PTPRS: variants seen among roughly 807,000 people sequenced by gnomAD.
The protein encoded by PTPRS is receptor-type tyrosine-protein phosphatase S.
In PTPRS, 63 loss-of-function variants were observed where a neutral mutation model predicts 215.3. The observed-to-expected ratio is 0.29, with a 90% CI of 0.24 to 0.36. PTPRS has a LOEUF of 0.36. PTPRS is among the 10% of genes least tolerant of loss of function. PTPRS has a pLI of 1.00. For missense variants in PTPRS, 2,258 were observed against 2,825.8 expected, an observed-to-expected ratio of 0.80 and a Z score of 4.56; for synonymous variants, 1,404 against 1,191.4, an observed-to-expected ratio of 1.18 and a Z score of -3.68.
chr19:5,245,984 G>A lies in PTPRS; in HGVS notation c.780C>T (p.Gly260=). The change falls in exon 10 of 38, where the codon GGC becomes GGT. Residue 260 remains glycine (G), a synonymous_variant. Coordinates refer to ENST00000262963, the MANE Select transcript of PTPRS (RefSeq NM_002850.4). ...CGGCCACGCAGGTGATGTTCACGTT[G>A]CCCCCTGGCATGATCTCGTGGCTCA... ...LPMSHEIMPG[G]NVNITCVAVG... The A allele has an allele frequency of 1.9e-6, 3 of 1,600,884 alleles. No individual in the cohort carries two copies. Among genetic ancestry groups the A allele is most frequent in the Non-Finnish European group, 2.6e-6 (3 of 1,173,330 alleles).
chr19:5,215,663 G>T, intron 26 of PTPRS, 68 bp from the exon 27 acceptor site: 1 of 1,099,280 alleles, frequency 9.1e-7, no homozygotes, highest in South Asian at 1.5e-5. Flanking sequence ...CGGGGGAGGG[G>T]GGTGATCTAC....
intron 1 of PTPRS, among the ~76,000 whole-genome samples, chr19:5,322,362 A>T (rs2147222991): frequency 6.6e-6 from 1 of 152,330 alleles, no homozygotes; most frequent in African/African-American, 2.4e-5. Flanking sequence ...CCGTCAGCGC[A>T]GCACCACGTC....
chr19:5,287,920 GAC>G lies in PTPRS; in HGVS notation c.-94-1688_-94-1687del, dbSNP rs2048484926. On this transcript the variant is annotated intron_variant, in intron 1 of 37. Coordinates refer to ENST00000262963, the MANE Select transcript of PTPRS (RefSeq NM_002850.4). This position sits in a 1 kb window ranked among gnomAD's most constrained non-coding sequence, Gnocchi z 4.8. ...TGCAAGCGGTTGCATATCTGCAAGA[GAC>G]ACAGAAACAAATGCATTCACACAGT... Among the ~76,000 whole-genome samples, 2 of 150,522 alleles carry G rather than the reference GAC, an allele frequency of 1.3e-5. No homozygotes were observed. The highest frequency in any genetic ancestry group is 4.9e-5 in the African/African-American group (2 of 40,890).
At position 5,210,845 on chromosome 19, in the gene PTPRS, G is replaced by C. The variant is rs766701237; in HGVS notation, c.5235-40C>G. The C allele has an allele frequency of 1.6e-5, 25 of 1,598,502 alleles. No individual in the cohort carries two copies. The highest frequency in any genetic ancestry group is 2.0e-5 in the Non-Finnish European group (23 of 1,174,890). The stretch of plus-strand genomic sequence containing the variant: ...GGTATGAGCCCAGGGCCGGCAGGGA[G>C]ACCCGGCGTGGTACTCACCTGATGC... On this transcript the variant is annotated intron_variant, in intron 33 of 37. Coordinates refer to ENST00000262963, the MANE Select transcript of PTPRS (RefSeq NM_002850.4). The surrounding 1 kb of genome is among the most constrained non-coding windows in gnomAD (Gnocchi z 4.5).
At chr19:5,314,309 G>A (rs1179774801) in intron 1 of PTPRS, among the ~76,000 whole-genome samples, 1 of 152,164 alleles carries the variant, frequency 6.6e-6, no homozygotes, top group Non-Finnish European at 1.5e-5. Context: ...CACGAACTTT[G>A]GATTCAAAGC....
chr19:5,238,899 C>CG lies in PTPRS; in HGVS notation c.1849+19dup, dbSNP rs758689600. ...CCGTGGTCCCTCCCGCAGAGAAGGGCGGCCCCGCGAGACACCTACTGGACT... is the reference window on the plus strand; with the variant it reads ...CCGTGGTCCCTCCCGCAGAGAAGGGCGGGCCCCGCGAGACACCTACTGGACT... On this transcript the variant is annotated intron_variant, in intron 13 of 37. Coordinates refer to ENST00000262963, the MANE Select transcript of PTPRS (RefSeq NM_002850.4). 1 of 1,569,692 alleles carries CG rather than the reference C, an allele frequency of 6.4e-7. No homozygotes were observed. Among genetic ancestry groups the CG allele is most frequent in the African/African-American group, 1.4e-5 (1 of 71,658 alleles).
At chr19:5,311,072 G>C (rs1044266285) in intron 1 of PTPRS, among the ~76,000 whole-genome samples, 3 of 152,076 alleles carry the variant, frequency 2.0e-5, no homozygotes, top group African/African-American at 7.2e-5. Flanking sequence ...TAGAGACGGG[G>C]TTTTACCCTG....
chr19:5,229,680 G>A lies in PTPRS; in HGVS notation c.2160C>T (p.Pro720=), dbSNP rs1012402079. The A allele has an allele frequency of 2.9e-5, 37 of 1,264,394 alleles. No homozygotes were observed. Among genetic ancestry groups the A allele is most frequent in the Non-Finnish European group, 3.4e-5 (34 of 1,008,982 alleles). The allele number at this position is 1,264,394 out of a possible 1,614,324, so 78.3% of individuals were successfully genotyped here. ...CCTCCACCTTCCGCGGCGGCGCGCT[G>A]GGCACTGGCGGGCGGGAGGGGAGGG... ...PVVVRTDEDV[P]SAPPRKVEAE... Residue 720 remains proline (P), a synonymous_variant, in exon 15 of 38, where the codon CCC becomes CCT. Coordinates refer to ENST00000262963, the MANE Select transcript of PTPRS (RefSeq NM_002850.4).
At chr19:5,229,372 G>A (rs749365296) in intron 15 of PTPRS, 30 bp from the exon 16 acceptor site, 100 of 1,373,662 alleles carry the variant, frequency 7.3e-5, no homozygotes, top group Non-Finnish European at 9.1e-5. Context: ...GCAGGGGAGA[G>A]AGGAGGAAGG....
rs1326507806 is a variant in PTPRS at position 5,219,298 on chromosome 19, C to T, written c.3923+12G>A. 3.1e-6 allele frequency: 5 copies of T among 1,613,870 alleles called. No homozygotes were observed. The highest frequency in any genetic ancestry group is 1.6e-4 in the Middle Eastern group (1 of 6,082). On this transcript the variant is annotated intron_variant, in intron 23 of 37. Coordinates refer to ENST00000262963, the MANE Select transcript of PTPRS (RefSeq NM_002850.4). ...TGCTGTCAAGTCAAGTCGGGGAGGA[C>T]ATGGGGCTTACTTCTTGTAGAGCAG... is the stretch of plus-strand genomic sequence containing the variant.
Position 5,244,555 on chromosome 19 carries a change from A to T in PTPRS, c.989-73T>A. 1 of 1,276,086 alleles carries T rather than the reference A, an allele frequency of 7.8e-7. No homozygotes were observed. The highest frequency in any genetic ancestry group is 1.1e-6 in the Non-Finnish European group (1 of 912,890). The allele number at this position is 1,276,086 out of a possible 1,614,324, so 79.0% of individuals were successfully genotyped here. A position where few individuals can be genotyped will look rare whatever the true frequency, so the allele number is the denominator to read the frequency against. ...GACCCTGAAGGCTGTGTGACTTTTC[A>T]CCATTCAGTCGCCTTCTCTGAGCCT... On this transcript the variant is annotated intron_variant, in intron 10 of 37. Coordinates refer to ENST00000262963, the MANE Select transcript of PTPRS (RefSeq NM_002850.4). This position sits in a 1 kb window ranked among gnomAD's most constrained non-coding sequence, Gnocchi z 7.2.
intron 1 of PTPRS, among the ~76,000 whole-genome samples, chr19:5,325,073 T>G (rs2050133681): frequency 6.6e-6 from 1 of 152,302 alleles, no homozygotes; most frequent in South Asian, 2.1e-4. Flanking sequence ...TATTTTCCCC[T>G]CCCCGACAAT....
At chr19:5,314,836 T>C (rs540256955) in intron 1 of PTPRS, among the ~76,000 whole-genome samples, 1 of 152,272 alleles carries the variant, frequency 6.6e-6, no homozygotes, top group South Asian at 2.1e-4. Flanking sequence ...GATCAGGGGC[T>C]TAGATCAGGG....
At chr19:5,274,872 G>A (rs192938679) in intron 2 of PTPRS, among the ~76,000 whole-genome samples, 52 of 152,236 alleles carry the variant, frequency 3.4e-4, no homozygotes, top group Admixed American at 1.2e-3. Flanking sequence ...GTGACCATGG[G>A]ACATGAGGTC....
rs770133630 is a variant in PTPRS, at chr19:5,274,443, C to T, written c.92-99G>A. The T allele has an allele frequency of 6.7e-5, 90 of 1,340,572 alleles. No individual in the cohort carries two copies. The African/African-American group carries it at 9.7e-4, about 14-fold the overall frequency. 83.0% of individuals were successfully genotyped at this position (1,340,572 alleles called of 1,614,324 possible). A position where few individuals can be genotyped will look rare whatever the true frequency, so the allele number is the denominator to read the frequency against. ...AAACCTGCATTCCATGCCCTGCCCA[C>T]GGAAGTGCCATGTGGCCAATGAAGA... On this transcript the variant is annotated intron_variant, in intron 2 of 37. Coordinates refer to ENST00000262963, the MANE Select transcript of PTPRS (RefSeq NM_002850.4).
rs1483689636 is a variant in PTPRS at position 5,208,315 on chromosome 19, C to T, written c.5564G>A (p.Gly1855Asp). 1 of 1,613,830 alleles carries T rather than the reference C, an allele frequency of 6.2e-7. No individual in the cohort carries two copies. Among genetic ancestry groups the T allele is most frequent in the Non-Finnish European group, 8.5e-7 (1 of 1,179,882 alleles). The change falls in exon 36 of 38, where the codon GGC (glycine) becomes GAC (aspartate). Residue 1855 changes from glycine (G) to aspartate (D), a missense_variant. Transcript: ENST00000262963. Reference sequence around the variant, plus strand: ...CACTTGGCCAATGAAGTCGATGAAGCCCTCCCCCGACTTTGGCACACCCTG... The same window carrying T: ...CACTTGGCCAATGAAGTCGATGAAGTCCTCCCCCGACTTTGGCACACCCTG... The part of the protein sequence containing the change: ...PEQGVPKSGE[G>D]FIDFIGQVHK...
At chr19:5,279,297 C>T (rs943081217) in intron 2 of PTPRS, among the ~76,000 whole-genome samples, 2 of 152,042 alleles carry the variant, frequency 1.3e-5, no homozygotes, top group Non-Finnish European at 2.9e-5. Flanking sequence ...CACTTTGGTA[C>T]CTTTTTACAT....
At position 5,208,300 on chromosome 19, in the gene PTPRS, A is replaced by C. The variant is rs941491568; in HGVS notation, c.5579T>G (p.Ile1860Ser). Residue 1860 changes from isoleucine (I) to serine (S), a missense_variant, in exon 36 of 38, where the codon ATT becomes AGT. Ile to Ser is a moderately radical substitution (Grantham distance 142, BLOSUM62 -2). Around this residue, in one of 6 missense-constraint regions of PTPRS, gnomAD observed 927 missense variants for 1,125.9 expected, o/e 0.82. Transcript: ENST00000262963. Reference sequence around the variant, plus strand: ...CTCCTTAGTCTTATGCACTTGGCCAATGAAGTCGATGAAGCCCTCCCCCGA... The same window carrying C: ...CTCCTTAGTCTTATGCACTTGGCCACTGAAGTCGATGAAGCCCTCCCCCGA... ...PKSGEGFIDF[I>S]GQVHKTKEQF... 2 of 1,613,960 alleles carry C rather than the reference A, an allele frequency of 1.2e-6. No individual in the cohort carries two copies. The highest frequency in any genetic ancestry group is 3.3e-5 in the Admixed American group (2 of 60,012).
chr19:5,261,061 G>A (rs2045956402), intron 6 of PTPRS, among the ~76,000 whole-genome samples: 1 of 152,150 alleles, frequency 6.6e-6, no homozygotes. Flanking sequence ...TCCTGTAGAA[G>A]GCGGGAATCT....
Sources: allele counts gnomAD v4.1 joint callset (sites outside exome capture counted in the v4.1 genomes callset), GRCh38; gene constraint gnomAD v4.1.1; regional missense constraint gnomAD v4.1.1; non-coding constraint Gnocchi (gnomAD v3.1); transcripts MANE v1.5; gene names NCBI Gene and HGNC (gene_info 2026-07-23, HGNC 2026-07-21).